RORA: variants seen among roughly 807,000 people sequenced by gnomAD.
The protein encoded by RORA is RAR related orphan receptor A.
A neutral mutation model predicts 69.5 loss-of-function variants in RORA; 7 were observed. The ratio of observed to expected loss-of-function variants is 0.10; its 90% CI spans 0.06 to 0.19. RORA has a LOEUF of 0.19. RORA is among the 10% of genes least tolerant of loss of function. The pLI is 1.00. For missense variants in RORA, 457 were observed against 663.0 expected (o/e 0.69, Z 3.41); for synonymous variants, 261 against 240.8 (o/e 1.08, Z -0.78).
At chr15:60,663,591 G>A (rs1379403039) in intron 2 of RORA, among the ~76,000 whole-genome samples, 1 of 152,164 alleles carries the variant, frequency 6.6e-6, no homozygotes, top group Non-Finnish European at 1.5e-5. Flanking sequence ...AAGTAGTTGG[G>A]ATCACAGGCA....
intron 1 of RORA, among the ~76,000 whole-genome samples, chr15:60,785,678 A>G (rs1181818549): frequency 1.3e-5 from 2 of 152,130 alleles, no homozygotes; most frequent in African/African-American, 4.8e-5. Context: ...TTCCTCAAAT[A>G]CATAATCCTT....
At chr15:61,146,919 G>T (rs1310862590) in intron 1 of RORA, among the ~76,000 whole-genome samples, 1 of 152,034 alleles carries the variant, frequency 6.6e-6, no homozygotes, top group Admixed American at 6.5e-5. Context: ...CAGTAAAATA[G>T]CAGCAGCAAA....
At chr15:61,042,229 G>C (rs1896808291) in intron 1 of RORA, among the ~76,000 whole-genome samples, 1 of 152,172 alleles carries the variant, frequency 6.6e-6, no homozygotes, top group Admixed American at 6.5e-5. Flanking sequence ...TATACAGATA[G>C]GCTATGTGGT....
intron 1 of RORA, among the ~76,000 whole-genome samples, chr15:61,110,239 T>G (rs1340191079): frequency 2.0e-5 from 3 of 151,880 alleles, no homozygotes; most frequent in Non-Finnish European, 2.9e-5. Flanking sequence ...CTACTAAAAA[T>G]ACAAAAATTA....
chr15:60,813,245 C>T (rs2072767880), intron 1 of RORA, among the ~76,000 whole-genome samples: 1 of 152,178 alleles, frequency 6.6e-6, no homozygotes, highest in Admixed American at 6.5e-5. Flanking sequence ...CCTCTCTGCC[C>T]AGGAAGAGCA....
At chr15:60,704,643 G>A (rs1354849416) in intron 1 of RORA, among the ~76,000 whole-genome samples, 4 of 152,178 alleles carry the variant, frequency 2.6e-5, no homozygotes, top group Non-Finnish European at 5.9e-5. Context: ...AGATGACCAG[G>A]AATGCCATAG....
intron 1 of RORA, among the ~76,000 whole-genome samples, chr15:60,964,771 G>A (rs1452328074): frequency 6.6e-6 from 1 of 152,198 alleles, no homozygotes; most frequent in Non-Finnish European, 1.5e-5. Flanking sequence ...AATCACTGCA[G>A]CCCTTTGGCA....
intron 1 of RORA, among the ~76,000 whole-genome samples, chr15:60,794,852 T>G (rs1418274052): frequency 6.6e-6 from 1 of 152,208 alleles, no homozygotes; most frequent in African/African-American, 2.4e-5. Flanking sequence ...TAGGGCTCAC[T>G]GCTCACAAGC....
chr15:60,702,793 A>G (rs182102083), intron 1 of RORA, among the ~76,000 whole-genome samples: 1 of 152,320 alleles, frequency 6.6e-6, no homozygotes, highest in Admixed American at 6.5e-5. Context: ...TTAAAACTTC[A>G]TTCTTGAAGG....
chr15:60,555,358 G>A (rs987415836), intron 2 of RORA, among the ~76,000 whole-genome samples: 1 of 152,178 alleles, frequency 6.6e-6, no homozygotes, highest in Non-Finnish European at 1.5e-5. Flanking sequence ...GGAGGTAGGA[G>A]AGGGAGTGGG....
At chr15:60,885,034 C>T (rs930292169) in intron 1 of RORA, among the ~76,000 whole-genome samples, 1 of 152,204 alleles carries the variant, frequency 6.6e-6, no homozygotes, top group African/African-American at 2.4e-5. Flanking sequence ...TCATTTCATT[C>T]TATGAAAACA....
At chr15:60,797,035 ATATAAT>A (rs1043250584) in intron 1 of RORA, among the ~76,000 whole-genome samples, 48 of 148,088 alleles carry the variant, frequency 3.2e-4, no homozygotes, top group African/African-American at 1.2e-3. Flanking sequence ...TTTATATAAT[ATATAAT>A]TATATTATCT....
At chr15:60,928,723 T>C (rs370155506) in intron 1 of RORA, among the ~76,000 whole-genome samples, 1 of 152,156 alleles carries the variant, frequency 6.6e-6, no homozygotes, top group Non-Finnish European at 1.5e-5. Flanking sequence ...AGCATGTTCA[T>C]GGGAGAGTTA....
At chr15:61,115,604 A>C (rs2079043632) in intron 1 of RORA, among the ~76,000 whole-genome samples, 1 of 152,208 alleles carries the variant, frequency 6.6e-6, no homozygotes, top group South Asian at 2.1e-4. Context: ...AGTCTCCAAA[A>C]GACTGCCTTC....
chr15:60,517,104 T>C (rs1025373672), intron 3 of RORA, among the ~76,000 whole-genome samples: 2 of 109,872 alleles, frequency 1.8e-5, no homozygotes, highest in African/African-American at 6.7e-5. Flanking sequence ...TTTTTGTTCA[T>C]CTGTGCTTTT....
At chr15:60,860,013 G>T (rs1373801627) in intron 1 of RORA, among the ~76,000 whole-genome samples, 1 of 152,136 alleles carries the variant, frequency 6.6e-6, no homozygotes, top group East Asian at 1.9e-4. Flanking sequence ...CCTGGACCGG[G>T]AACAGAACTG....
intron 1 of RORA, among the ~76,000 whole-genome samples, chr15:60,739,189 G>A (rs1003568166): frequency 4.6e-5 from 7 of 152,176 alleles, no homozygotes; most frequent in Non-Finnish European, 1.0e-4. Context: ...TTTCAAGGAC[G>A]TTCTCTGAGA....
At chr15:60,558,949 T>C (rs561823975) in intron 2 of RORA, among the ~76,000 whole-genome samples, 1 of 152,242 alleles carries the variant, frequency 6.6e-6, no homozygotes, top group African/African-American at 2.4e-5. Flanking sequence ...ATATTTAGAG[T>C]GATATTATAC....
At chr15:60,515,887 TAC>T (rs1359976205) in intron 3 of RORA, among the ~76,000 whole-genome samples, 1 of 118,050 alleles carries the variant, frequency 8.5e-6, no homozygotes, top group African/African-American at 3.6e-5. Flanking sequence ...CATACATACA[TAC>T]ATATATATAT....
Sources: gnomAD v4.1 joint callset for allele counts (sites outside exome capture counted in the v4.1 genomes callset) on GRCh38, gnomAD v4.1.1 for gene constraint, MANE v1.5 for transcripts, NCBI Gene and HGNC (gene_info 2026-07-23, HGNC 2026-07-21) for gene names.